NAV3: variants seen among roughly 807,000 people sequenced by gnomAD.
The protein encoded by NAV3 is pore membrane and/or filament interacting like protein 1.
Under a neutral mutation model 244.7 loss-of-function variants are expected in NAV3, and 87 were observed. The ratio of observed to expected loss-of-function variants is 0.36; its 90% CI spans 0.30 to 0.42. The LOEUF is 0.42. NAV3 is among the 20% of genes least tolerant of loss of function. NAV3 has a pLI of 1.00. For synonymous variants in NAV3, 1,126 were observed against 1,042.2 expected (o/e 1.08, Z -1.55); for missense variants, 2,663 against 2,893.3 (o/e 0.92, Z 1.83).
intron 12 of NAV3, among the ~76,000 whole-genome samples, chr12:78,070,553 C>CT (rs1024243215): frequency 6.6e-6 from 1 of 151,720 alleles, no homozygotes. Flanking sequence ...GTTTAAATTT[C>CT]TTTTTTTTAT....
chr12:78,097,322 A>T (rs1954304756), intron 12 of NAV3, among the ~76,000 whole-genome samples: 1 of 152,158 alleles, frequency 6.6e-6, no homozygotes, highest in Non-Finnish European at 1.5e-5. Flanking sequence ...CAATATAAGG[A>T]GACAGCAGTT....
chr12:77,890,677 CT>C (rs1883828088), intron 1 of NAV3, among the ~76,000 whole-genome samples: 1 of 152,056 alleles, frequency 6.6e-6, no homozygotes, highest in Middle Eastern at 3.2e-3. Flanking sequence ...TCTATATTGA[CT>C]CAGAAAAATA....
chr12:78,129,224 T>C (rs965778073), intron 18 of NAV3, among the ~76,000 whole-genome samples: 1 of 152,204 alleles, frequency 6.6e-6, no homozygotes, highest in Admixed American at 6.5e-5. Context: ...TTCCATTCCA[T>C]TTAAGAATCC....
chr12:77,863,002 G>C (rs192647189), intron 1 of NAV3, among the ~76,000 whole-genome samples: 4 of 151,576 alleles, frequency 2.6e-5, no homozygotes, highest in African/African-American at 9.7e-5. Flanking sequence ...TACATTCTGA[G>C]TTCCCATTCT....
In NAV3 at chr12:78,013,428, A is replaced by T. The variant is rs547405498; in HGVS notation, c.1907+5983A>T. Among the ~76,000 whole-genome samples the T allele has an allele frequency of 3.3e-5, 5 of 152,236 alleles. No homozygotes were observed. The South Asian group carries it at 1.0e-3, about 32-fold the overall frequency. The stretch of plus-strand genomic sequence containing the variant: ...TGGCACTTGAACTGAGTCCAGAAAG[A>T]TAAGTAGGATTTGGTAATGCAGAGA... On this transcript the variant is annotated intron_variant, in intron 8 of 39. Transcript: ENST00000397909.
chr12:77,632,944 G>A (rs1345769529), intron 2 of NAV3, among the ~76,000 whole-genome samples: 2 of 151,954 alleles, frequency 1.3e-5, no homozygotes, highest in Non-Finnish European at 2.9e-5. Context: ...AACTATTATT[G>A]CAACTGGTCT....
At chr12:78,208,770 A>G (rs1358630261) in intron 39 of NAV3, among the ~76,000 whole-genome samples, 1 of 152,226 alleles carries the variant, frequency 6.6e-6, no homozygotes, top group African/African-American at 2.4e-5. Flanking sequence ...ATACAACTGT[A>G]TCTTTTTTAA....
chr12:78,086,427 T>G (rs765295858), intron 12 of NAV3, among the ~76,000 whole-genome samples: 12 of 152,090 alleles, frequency 7.9e-5, no homozygotes, highest in South Asian at 6.2e-4. Flanking sequence ...GCATTTTAAG[T>G]AATAACATGT....
intron 3 of NAV3, among the ~76,000 whole-genome samples, chr12:77,942,202 GTC>G (rs961842847): frequency 6.6e-5 from 10 of 152,116 alleles, no homozygotes; most frequent in Admixed American, 5.9e-4. Flanking sequence ...GAGAAATCCT[GTC>G]TCTACTAAAA....
intron 3 of NAV3, among the ~76,000 whole-genome samples, chr12:77,958,380 G>GAATA: frequency 1.3e-5 from 2 of 152,228 alleles, no homozygotes; most frequent in South Asian, 4.1e-4. Flanking sequence ...TGTGATGAGT[G>GAATA]AATAAATAAA....
intron 2 of NAV3, among the ~76,000 whole-genome samples, chr12:77,763,853 A>C (rs1277949421): frequency 3.3e-5 from 5 of 152,192 alleles, no homozygotes; most frequent in African/African-American, 1.2e-4. Context: ...ACACAGTTCC[A>C]GTCTGAATTT....
intron 1 of NAV3, among the ~76,000 whole-genome samples, chr12:77,934,070 T>C (rs1332130367): frequency 6.6e-6 from 1 of 152,158 alleles, no homozygotes; most frequent in Non-Finnish European, 1.5e-5. Flanking sequence ...AAACTCAGTG[T>C]TTGAGGGCCA....
At chr12:77,899,283 G>A (rs149326558) in intron 1 of NAV3, among the ~76,000 whole-genome samples, 18 of 152,280 alleles carry the variant, frequency 1.2e-4, no homozygotes, top group African/African-American at 4.3e-4. Flanking sequence ...TCTATTGTGG[G>A]TAAAATGCTA....
intron 1 of NAV3, among the ~76,000 whole-genome samples, chr12:77,835,694 C>T (rs1874507566): frequency 2.0e-5 from 3 of 152,186 alleles, no homozygotes; most frequent in Non-Finnish European, 4.4e-5. Flanking sequence ...TCAATTATTT[C>T]AGTGATTCCA....
intron 12 of NAV3, among the ~76,000 whole-genome samples, chr12:78,074,335 A>G (rs1952935881): frequency 6.6e-6 from 1 of 152,232 alleles, no homozygotes; most frequent in African/African-American, 2.4e-5. Context: ...GAGGAGGGTC[A>G]CTGAACCTGT....
chr12:77,644,464 G>C (rs1872539648), intron 2 of NAV3, among the ~76,000 whole-genome samples: 1 of 151,964 alleles, frequency 6.6e-6, no homozygotes, highest in Non-Finnish European at 1.5e-5. Context: ...GAATTATCAG[G>C]GGCTTAAGAA....
chr12:77,715,548 A>C (rs902209879), intron 2 of NAV3, among the ~76,000 whole-genome samples: 1 of 152,044 alleles, frequency 6.6e-6, no homozygotes, highest in Non-Finnish European at 1.5e-5. Context: ...CCAAAAAATA[A>C]ATAGGGTTAT....
intron 1 of NAV3, among the ~76,000 whole-genome samples, chr12:77,849,257 G>C (rs546785129): frequency 6.6e-6 from 1 of 151,840 alleles, no homozygotes; most frequent in African/African-American, 2.4e-5. Flanking sequence ...CATATGTGTT[G>C]AATAAAAAAT....
chr12:77,866,430 G>A (rs1398961474), intron 1 of NAV3, among the ~76,000 whole-genome samples: 1 of 152,104 alleles, frequency 6.6e-6, no homozygotes, highest in Non-Finnish European at 1.5e-5. Flanking sequence ...AGGCCCCCTG[G>A]TCTATGCAGC....
Sources: gnomAD v4.1 joint callset for allele counts (sites outside exome capture counted in the v4.1 genomes callset) on GRCh38, gnomAD v4.1.1 for gene constraint, MANE v1.5 for transcripts, NCBI Gene and HGNC (gene_info 2026-07-23, HGNC 2026-07-21) for gene names.